Variants in GALNT17 observed in about 807,000 individuals in gnomAD.
GALNT17 encodes the protein UDP-GalNAc:polypeptide N-acetylgalactosaminyltransferase-like 3.
In GALNT17, 29 loss-of-function variants were observed where a neutral mutation model predicts 63.7. That is an observed-to-expected ratio of 0.46 (90% CI 0.34 to 0.62). The LOEUF is 0.62. GALNT17 is among the 20% of genes least tolerant of loss of function. The pLI, the probability that GALNT17 is intolerant of heterozygous loss-of-function variation, is 0.01. For missense variants in GALNT17, 603 were observed against 799.6 expected (o/e 0.75, Z 2.97); for synonymous variants, 305 against 318.3 (o/e 0.96, Z 0.45).
intron 5 of GALNT17, among the ~76,000 whole-genome samples, chr7:71,462,335 G>A (rs928360639): frequency 3.3e-5 from 5 of 152,160 alleles, no homozygotes; most frequent in South Asian, 2.1e-4. Context: ...TGCAATAGAC[G>A]TTGACTCTGT....
At chr7:71,232,808 C>A (rs540753288) in intron 1 of GALNT17, among the ~76,000 whole-genome samples, 6 of 152,222 alleles carry the variant, frequency 3.9e-5, no homozygotes, top group African/African-American at 1.4e-4. Context: ...GTGGTAACTT[C>A]TGGGTGTGGC....
intron 5 of GALNT17, among the ~76,000 whole-genome samples, chr7:71,462,249 A>C (rs1469073879): frequency 6.6e-6 from 1 of 151,704 alleles, no homozygotes; most frequent in East Asian, 1.9e-4. Context: ...TTCATTCCTC[A>C]CCCTCAGCCA....
At chr7:71,346,026 T>TAAAA (rs35499113) in intron 2 of GALNT17, among the ~76,000 whole-genome samples, 10 of 127,212 alleles carry the variant, frequency 7.9e-5, no homozygotes, top group African/African-American at 2.4e-4. Flanking sequence ...TACTAAAAAT[T>TAAAA]AAAAAAAAAA....
chr7:71,330,733 C>T (rs1467407179), intron 1 of GALNT17, among the ~76,000 whole-genome samples: 1 of 152,184 alleles, frequency 6.6e-6, no homozygotes, highest in African/African-American at 2.4e-5. Context: ...TTTCTCTCTT[C>T]CTTAAGTCTC....
intron 6 of GALNT17, among the ~76,000 whole-genome samples, chr7:71,575,392 A>AT (rs10591768): frequency 3.7e-4 from 47 of 128,244 alleles, no homozygotes; most frequent in African/African-American, 1.2e-3. Flanking sequence ...TATTTTCTTG[A>AT]TTTTTTTTTT....
In GALNT17 at chr7:71,421,252, C is replaced by T. The variant is rs532538143; in HGVS notation, c.962+147C>T. On this transcript the variant is annotated intron_variant, in intron 5 of 10. Transcript: ENST00000333538. Reference sequence around the variant, plus strand: ...AGGAGCCGCCGTTGTCTCAGGATCACAGCTTTCCTGCAGAGGGAGGATGTT... The same window carrying T: ...AGGAGCCGCCGTTGTCTCAGGATCATAGCTTTCCTGCAGAGGGAGGATGTT... 85 of 810,922 alleles carry T rather than the reference C, an allele frequency of 1.0e-4. No individual in the cohort carries two copies. The African/African-American group carries it at 1.3e-3, about 12-fold the overall frequency. 50.2% of individuals were successfully genotyped at this position (810,922 alleles called of 1,614,324 possible).
intron 5 of GALNT17, among the ~76,000 whole-genome samples, chr7:71,493,677 A>G (rs2116679847): frequency 6.6e-6 from 1 of 152,286 alleles, no homozygotes; most frequent in African/African-American, 2.4e-5. Flanking sequence ...CTCCCACAAC[A>G]TGTGAGAATG....
intron 1 of GALNT17, among the ~76,000 whole-genome samples, chr7:71,183,734 G>A (rs1164633314): frequency 6.6e-6 from 1 of 151,678 alleles, no homozygotes; most frequent in Non-Finnish European, 1.5e-5. Context: ...CCCACTGTAC[G>A]AAAAATAACA....
At chr7:71,621,501 AGATGGATGGATG>A (rs71816496) in intron 6 of GALNT17, among the ~76,000 whole-genome samples, 1 of 42,484 alleles carries the variant, frequency 2.4e-5, no homozygotes, top group Admixed American at 4.3e-4. Flanking sequence ...ATTGATGGAT[AGATGGATGGATG>A]GATGGATGGA....
In GALNT17 at chr7:71,637,744, G is replaced by A. The variant is rs925000690; in HGVS notation, c.1081-27667G>A. Among the ~76,000 whole-genome samples the A allele has an allele frequency of 2.6e-5, 4 of 152,200 alleles. No individual in the cohort carries two copies. The East Asian group carries it at 5.8e-4, about 22-fold the overall frequency. On this transcript the variant is annotated intron_variant, in intron 6 of 10. Coordinates refer to ENST00000333538, the MANE Select transcript of GALNT17 (RefSeq NM_022479.3). ...AGGCTGGGATCTCCTGTACGCTGTC[G>A]CTGTGCTCAGCCAGCATGTCAGACC...
intron 5 of GALNT17, among the ~76,000 whole-genome samples, chr7:71,486,148 G>C (rs1384008343): frequency 6.6e-6 from 1 of 151,822 alleles, no homozygotes; most frequent in Non-Finnish European, 1.5e-5. Flanking sequence ...GGGCAACATG[G>C]CAAAATCCCA....
intron 6 of GALNT17, among the ~76,000 whole-genome samples, chr7:71,584,770 ATTTAATTTATTTATTTT>A (rs1368229080): frequency 1.3e-5 from 2 of 151,846 alleles, no homozygotes; most frequent in Non-Finnish European, 2.9e-5. Context: ...TTATTTATTT[ATTTAATTTATTTATTTT>A]GAGACAGAGT....
chr7:71,511,030 G>T (rs1341313189), intron 5 of GALNT17, among the ~76,000 whole-genome samples: 1 of 151,942 alleles, frequency 6.6e-6, no homozygotes, highest in African/African-American at 2.4e-5. Flanking sequence ...AATAATGATA[G>T]AATTAGCCAG....
intron 6 of GALNT17, among the ~76,000 whole-genome samples, chr7:71,636,305 G>A (rs1790528128): frequency 6.6e-6 from 1 of 152,180 alleles, no homozygotes; most frequent in South Asian, 2.1e-4. Flanking sequence ...GGGACACAGG[G>A]AGACTATTAG....
chr7:71,513,021 A>G (rs1788386513), intron 5 of GALNT17, among the ~76,000 whole-genome samples: 1 of 152,206 alleles, frequency 6.6e-6, no homozygotes, highest in African/African-American at 2.4e-5. Context: ...TAAAATGGCA[A>G]TTAAGTTTCA....
chr7:71,424,225 C>A (rs191917676), intron 5 of GALNT17, among the ~76,000 whole-genome samples: 46 of 152,292 alleles, frequency 3.0e-4, no homozygotes, highest in Admixed American at 2.9e-3. Context: ...GACATGTTGA[C>A]CTTCAGATCT....
chr7:71,547,814 AATT>A (rs1271877906), intron 5 of GALNT17, among the ~76,000 whole-genome samples: 1 of 152,174 alleles, frequency 6.6e-6, no homozygotes, highest in African/African-American at 2.4e-5. Context: ...GATTGAAGCT[AATT>A]GTTTTCCTTA....
At chr7:71,428,214 A>G (rs1480391739) in intron 5 of GALNT17, among the ~76,000 whole-genome samples, 1 of 152,120 alleles carries the variant, frequency 6.6e-6, no homozygotes, top group African/African-American at 2.4e-5. Flanking sequence ...ATTCCCCCAA[A>G]TAGCGACCCA....
At chr7:71,676,218 G>C (rs1438988072) in intron 8 of GALNT17, among the ~76,000 whole-genome samples, 1 of 152,106 alleles carries the variant, frequency 6.6e-6, no homozygotes, top group Non-Finnish European at 1.5e-5. Context: ...CCCATGCCTA[G>C]TTTCACGGGT....
Sources: gnomAD v4.1 joint callset for allele counts (sites outside exome capture counted in the v4.1 genomes callset) on GRCh38, gnomAD v4.1.1 for gene constraint, MANE v1.5 for transcripts, NCBI Gene and HGNC (gene_info 2026-07-23, HGNC 2026-07-21) for gene names.